Variants in PAGE2 observed in about 807,000 individuals in gnomAD.
PAGE2 encodes the protein PAGE family member 2.
In PAGE2, 6 loss-of-function variants were observed where a neutral mutation model predicts 7.5. The observed-to-expected ratio is 0.80, with a 90% CI of 0.44 to 1.57. PAGE2 has a LOEUF of 1.57. Ranked by LOEUF, PAGE2 falls within the 40% of genes most tolerant of loss-of-function variation. The pLI, the probability that PAGE2 is intolerant of heterozygous loss-of-function variation, is 0.01. For missense variants in PAGE2, 72 were observed against 76.4 expected (o/e 0.94, Z 0.21); for synonymous variants, 22 against 25.4 (o/e 0.87, Z 0.41).
chrX:55,090,584 A>G lies in PAGE2; in HGVS notation c.167A>G (p.Glu56Gly). Residue 56 changes from glutamate (E) to glycine (G), a missense_variant, in exon 3 of 5, where the codon GAA (glutamate) becomes GGA (glycine). Physicochemically the swap from Glu to Gly is moderately conservative, Grantham distance 98. Transcript: ENST00000374968. ...NQGIAPSGEI[E>G]NQAVPAFQGP... Reference sequence around the variant, plus strand: ...GGTATTGCACCTAGTGGGGAGATTGAAAATCAAGCAGTGCCTGCTTTTCAA... The same window carrying G: ...GGTATTGCACCTAGTGGGGAGATTGGAAATCAAGCAGTGCCTGCTTTTCAA... The G allele has an allele frequency of 8.3e-7, 1 of 1,206,483 alleles. No individual in the cohort carries two copies. Among genetic ancestry groups the G allele is most frequent in the Non-Finnish European group, 1.1e-6 (1 of 893,636 alleles).
At chrX:55,091,202 T>C in intron 3 of PAGE2, 130 bp from the exon 4 acceptor site, 1 of 1,074,479 alleles carries the variant, frequency 9.3e-7, no homozygotes, top group Non-Finnish European at 1.2e-6. Flanking sequence ...CCTGTTTTCC[T>C]GGCAGCAGAT....
At position 55,090,009 on chromosome X, in the gene PAGE2, G is replaced by T. The variant is rs201333135; in HGVS notation, c.-8-4G>T. On this transcript the variant is annotated splice_region_variant and splice_polypyrimidine_tract_variant and intron_variant, in intron 1 of 4. Transcript: ENST00000374968. ...TTTTCCAAATAACAATATTCTGTTT[G>T]CAGTGGGAAATATGAGTGAGCTTCT... 6.6e-5 allele frequency: 76 copies of T among 1,153,136 alleles called. No homozygotes were observed. Among genetic ancestry groups the T allele is most frequent in the Non-Finnish European group, 8.6e-5 (73 of 847,350 alleles).
intron 3 of PAGE2, 151 bp downstream of exon 3, chrX:55,090,761 A>T: frequency 1.8e-6 from 1 of 542,758 alleles, no homozygotes; most frequent in South Asian, 4.1e-5. Context: ...TGGGACAAGG[A>T]TGCATAAAAA....
At chrX:55,090,328 GTCTA>G (rs35160510) in intron 2 of PAGE2, among the ~76,000 whole-genome samples, 170 bp from the exon 3 acceptor site, 2,722 of 102,025 alleles carry the variant, frequency 0.027, 56 homozygotes, top group South Asian at 0.033. Context: ...CTGTCTGTCT[GTCTA>G]TCTATCTATC....
intron 3 of PAGE2, 101 bp from the exon 4 acceptor site, chrX:55,091,231 A>C: frequency 9.1e-6 from 10 of 1,098,278 alleles, no homozygotes; most frequent in African/African-American, 3.8e-5. Context: ...TAATTAGCCT[A>C]CCGGTTTTTA....
At chrX:55,090,310 G>A (rs1272541366) in intron 2 of PAGE2, among the ~76,000 whole-genome samples, 192 bp from the exon 3 acceptor site, 3 of 97,447 alleles carry the variant, frequency 3.1e-5, no homozygotes, top group Non-Finnish European at 6.1e-5. Context: ...CTATCTCTAT[G>A]TATGTATCTG....
chrX:55,089,324 C>G (rs1472833104), intron 1 of PAGE2: 1 of 111,137 alleles, frequency 9.0e-6, no homozygotes, highest in Non-Finnish European at 1.9e-5. Flanking sequence ...GAGGGATTGC[C>G]TGAAGATGGG....
chrX:55,090,641 G>A, intron 3 of PAGE2, 31 bp downstream of exon 3: 3 of 1,107,749 alleles, frequency 2.7e-6, no homozygotes, highest in Non-Finnish European at 3.7e-6. Flanking sequence ...AATGCTTATG[G>A]GTGGTGGAGG....
intron 3 of PAGE2, 53 bp from the exon 4 acceptor site, chrX:55,091,279 C>T (rs1472902259): frequency 3.4e-5 from 41 of 1,197,918 alleles, no homozygotes; most frequent in East Asian, 8.9e-5. Context: ...ATCATTTCCT[C>T]GTTCATAGTT....
chrX:55,090,433 T>G, intron 2 of PAGE2, 69 bp from the exon 3 acceptor site: 1 of 980,835 alleles, frequency 1.0e-6, no homozygotes. Context: ...GATGTGTGAT[T>G]CGATGCACAT....
At chrX:55,090,377 C>T in intron 2 of PAGE2, 125 bp from the exon 3 acceptor site, 1 of 679,900 alleles carries the variant, frequency 1.5e-6, no homozygotes, top group Non-Finnish European at 2.2e-6. Context: ...ATCTATCTAT[C>T]TATATGTGTG....
chrX:55,090,354 C>CTATG, intron 2 of PAGE2, 148 bp from the exon 3 acceptor site: 2 of 581,041 alleles, frequency 3.4e-6, no homozygotes, highest in South Asian at 3.1e-5. Context: ...ATCTATCTAT[C>CTATG]TATCTATCTA....
rs1936654787 is a variant in PAGE2 at position 55,091,405 on chromosome X, T to TCTCCTGACATCA, written c.267_268insCTCCTGACATCA (p.Asp89_Val90insLeuLeuThrSer). ...AGGATGAGCCTGGAGATGGTCCTGA[T>TCTCCTGACATCA]GTCAGGGAGGGTATTATGCCCACTT... On this transcript the variant is annotated inframe_insertion, in exon 4 of 5. Coordinates refer to ENST00000374968, the MANE Select transcript of PAGE2 (RefSeq NM_207339.4). 2.5e-6 allele frequency: 3 copies of TCTCCTGACATCA among 1,203,556 alleles called. No homozygotes were observed. Among genetic ancestry groups the TCTCCTGACATCA allele is most frequent in the African/African-American group, 1.8e-5 (1 of 54,549 alleles).
rs754004915 is a variant in PAGE2, at chrX:55,090,526, C to T, written c.109C>T (p.Arg37Cys). 3.3e-6 allele frequency: 4 copies of T among 1,203,738 alleles called. No homozygotes were observed. Among genetic ancestry groups the T allele is most frequent in the Admixed American group, 4.4e-5 (2 of 45,372 alleles). The change falls in exon 3 of 5, where the codon CGT becomes TGT. Residue 37 changes from arginine (R) to cysteine (C), a missense_variant. Arg to Cys is a radical substitution (Grantham distance 180, BLOSUM62 -3). Transcript: ENST00000374968. ...VIVQEPTEEKRQEEEPPTDNQ... is the reference protein window; with the variant it reads ...VIVQEPTEEKCQEEEPPTDNQ... ...GGTCCAGGAGCCCACTGAGGAAAAA[C>T]GTCAAGAAGAGGAACCACCAACTGA...
intron 1 of PAGE2, among the ~76,000 whole-genome samples, chrX:55,089,682 A>G (rs1342193259): frequency 9.0e-6 from 1 of 110,528 alleles, no homozygotes; most frequent in African/African-American, 3.4e-5. Context: ...TCAGAGTGGG[A>G]CAAAAGCAGT....
intron 2 of PAGE2, 28 bp downstream of exon 2, chrX:55,090,132 T>G (rs1936641239): frequency 8.7e-7 from 1 of 1,144,416 alleles, no homozygotes; most frequent in Non-Finnish European, 1.2e-6. Flanking sequence ...TGATGTTTTC[T>G]ATTAACACAA....
At chrX:55,090,298 C>T (rs1455919033) in intron 2 of PAGE2, among the ~76,000 whole-genome samples, 194 bp downstream of exon 2, 1 of 105,999 alleles carries the variant, frequency 9.4e-6, no homozygotes, top group African/African-American at 3.6e-5. Context: ...CTCTCTCTCT[C>T]TCTATCTCTA....
rs1463792723 is a variant in PAGE2, at chrX:55,091,575, A to G, written c.319+118A>G. 18 of 1,076,632 alleles carry G rather than the reference A, an allele frequency of 1.7e-5. No individual in the cohort carries two copies. In the East Asian group the frequency reaches 6.1e-4, roughly 36 times the overall value. The allele number at this position is 1,076,632 out of a possible 1,213,427, so 88.7% of individuals were successfully genotyped here. On this transcript the variant is annotated intron_variant, in intron 4 of 4. Transcript: ENST00000374968. Reference sequence around the variant, plus strand: ...ATACTTCACGTCTGAAGGTTCTTTGAATGTAGTTCAGACCCCAAATGGCTG... The same window carrying G: ...ATACTTCACGTCTGAAGGTTCTTTGGATGTAGTTCAGACCCCAAATGGCTG...
At chrX:55,090,759 G>C in intron 3 of PAGE2, 149 bp downstream of exon 3, 1 of 545,767 alleles carries the variant, frequency 1.8e-6, no homozygotes, top group Non-Finnish European at 2.8e-6. Context: ...GGTGGGACAA[G>C]GATGCATAAA....
Sources: gnomAD v4.1 joint callset for allele counts (sites outside exome capture counted in the v4.1 genomes callset) on GRCh38, gnomAD v4.1.1 for gene constraint, MANE v1.5 for transcripts, NCBI Gene and HGNC (gene_info 2026-07-23, HGNC 2026-07-21) for gene names.